STXBP5L: variants seen among roughly 807,000 people sequenced by gnomAD.
The protein encoded by STXBP5L is syntaxin binding protein 5L, also known as syntaxin-binding protein 5-like.
A neutral mutation model predicts 144.5 loss-of-function variants in STXBP5L; 65 were observed. The observed-to-expected ratio is 0.45, with a 90% CI of 0.37 to 0.55. STXBP5L has a LOEUF of 0.55. STXBP5L is among the 20% of genes least tolerant of loss of function. The probability of loss-of-function intolerance (pLI) is 0.00; values close to 1 mark genes in which losing one functional copy is unlikely to be tolerated. For missense variants in STXBP5L, 1,298 were observed against 1,405.5 expected (o/e 0.92, Z 1.22); for synonymous variants, 505 against 469.6 (o/e 1.08, Z -0.97).
chr3:120,962,969 T>C (rs1939051885), intron 3 of STXBP5L, among the ~76,000 whole-genome samples: 1 of 152,218 alleles, frequency 6.6e-6, no homozygotes, highest in Non-Finnish European at 1.5e-5. Flanking sequence ...GGTTTGTAGT[T>C]CTTCTTCAAG....
intron 9 of STXBP5L, among the ~76,000 whole-genome samples, chr3:121,175,365 G>GA (rs1431657855): frequency 6.6e-6 from 1 of 151,880 alleles, no homozygotes; most frequent in Non-Finnish European, 1.5e-5. Flanking sequence ...TAAAGGCCTA[G>GA]AAAAAAATAT....
rs145965766 is a variant in STXBP5L, at chr3:121,363,817, G to A, written c.2177-14899G>A. Among the ~76,000 whole-genome samples the A allele has an allele frequency of 3.4e-4, 51 of 152,162 alleles. 1 individual carries two copies. In the East Asian group the frequency reaches 9.1e-3, roughly 27 times the overall value. On this transcript the variant is annotated intron_variant, in intron 20 of 26. Coordinates refer to ENST00000471454, the MANE Select transcript of STXBP5L (RefSeq NM_001308330.2). ...TGCTGGGGTCAAGGGGAGATGATTG[G>A]TGGAGTTTTCTATTCTGCCATCTTG... is the stretch of plus-strand genomic sequence containing the variant.
At chr3:120,951,958 T>C (rs1187764382) in intron 2 of STXBP5L, among the ~76,000 whole-genome samples, 1 of 151,668 alleles carries the variant, frequency 6.6e-6, no homozygotes, top group East Asian at 1.9e-4. Flanking sequence ...ATATACACCA[T>C]GGAATACTAT....
chr3:121,269,637 C>G (rs929157070), intron 18 of STXBP5L, among the ~76,000 whole-genome samples: 4 of 152,154 alleles, frequency 2.6e-5, no homozygotes, highest in African/African-American at 9.7e-5. Context: ...TAAAAACTCA[C>G]ATCTTATGTA....
intron 6 of STXBP5L, among the ~76,000 whole-genome samples, chr3:121,115,482 C>T (rs1202523408): frequency 6.6e-6 from 1 of 152,068 alleles, no homozygotes; most frequent in African/African-American, 2.4e-5. Context: ...GCTCAAATAT[C>T]TTTTAGGTTA....
intron 20 of STXBP5L, among the ~76,000 whole-genome samples, chr3:121,331,255 C>A (rs1333716279): frequency 6.6e-6 from 1 of 152,150 alleles, no homozygotes; most frequent in Non-Finnish European, 1.5e-5. Context: ...CAGCTCTCCC[C>A]CAACAGTCAG....
At chr3:121,404,182 A>G (rs2046945917) in intron 22 of STXBP5L, among the ~76,000 whole-genome samples, 6 of 152,232 alleles carry the variant, frequency 3.9e-5, no homozygotes, top group Admixed American at 3.3e-4. Context: ...TCTATTAATG[A>G]CAATTCCATT....
At chr3:121,175,523 A>G (rs1382620690) in intron 9 of STXBP5L, among the ~76,000 whole-genome samples, 4 of 152,150 alleles carry the variant, frequency 2.6e-5, no homozygotes, top group Non-Finnish European at 5.9e-5. Flanking sequence ...TTTAAATTTT[A>G]AGTTTTAAAA....
intron 3 of STXBP5L, among the ~76,000 whole-genome samples, chr3:121,033,112 C>T (rs2107515703): frequency 9.7e-6 from 1 of 103,120 alleles, no homozygotes. Context: ...GCTATAAAGA[C>T]ACATGCACAC....
intron 9 of STXBP5L, among the ~76,000 whole-genome samples, chr3:121,188,778 T>C (rs2047507492): frequency 6.6e-6 from 1 of 152,200 alleles, no homozygotes; most frequent in Non-Finnish European, 1.5e-5. Flanking sequence ...CTGAAAACTC[T>C]CAATAAACTA....
intron 2 of STXBP5L, among the ~76,000 whole-genome samples, chr3:120,927,273 G>A (rs1490959412): frequency 1.3e-5 from 2 of 152,158 alleles, no homozygotes; most frequent in Non-Finnish European, 2.9e-5. Flanking sequence ...TTTCTGTGTT[G>A]TGTGGGAAGG....
intron 15 of STXBP5L, among the ~76,000 whole-genome samples, chr3:121,253,658 C>T (rs2050105281): frequency 7.0e-6 from 1 of 143,650 alleles, no homozygotes; most frequent in Admixed American, 6.9e-5. Context: ...GACGGAGTCT[C>T]GCTCTGTCTG....
chr3:121,057,597 G>C (rs1279447127), intron 5 of STXBP5L, among the ~76,000 whole-genome samples: 6 of 151,772 alleles, frequency 4.0e-5, no homozygotes, highest in African/African-American at 1.5e-4. Flanking sequence ...TTTGCTTTTG[G>C]ATTCCTTTGC....
chr3:121,368,155 T>C (rs1388851101), intron 20 of STXBP5L, among the ~76,000 whole-genome samples: 1 of 152,146 alleles, frequency 6.6e-6, no homozygotes, highest in Non-Finnish European at 1.5e-5. Flanking sequence ...ACTTAGCCTC[T>C]GTTCACCATT....
At chr3:121,315,411 C>G (rs2043747811) in intron 19 of STXBP5L, among the ~76,000 whole-genome samples, 1 of 146,684 alleles carries the variant, frequency 6.8e-6, no homozygotes, top group Admixed American at 7.2e-5. Flanking sequence ...TACATATTCT[C>G]ACTCATAGGT....
At chr3:121,133,034 A>G (rs1000817029) in intron 7 of STXBP5L, among the ~76,000 whole-genome samples, 5 of 152,200 alleles carry the variant, frequency 3.3e-5, no homozygotes, top group Admixed American at 6.5e-5. Flanking sequence ...TAGAAGATCC[A>G]TAATGAGAAG....
chr3:121,012,155 G>A (rs1361500833), intron 3 of STXBP5L, among the ~76,000 whole-genome samples: 1 of 151,314 alleles, frequency 6.6e-6, no homozygotes, highest in Non-Finnish European at 1.5e-5. Flanking sequence ...TTTTTTATTG[G>A]CAAATAAAAT....
intron 5 of STXBP5L, among the ~76,000 whole-genome samples, chr3:121,048,514 C>T (rs1947685465): frequency 6.6e-6 from 1 of 152,024 alleles, no homozygotes; most frequent in Non-Finnish European, 1.5e-5. Flanking sequence ...TTTACATAAT[C>T]CTTTATTTTT....
At chr3:121,374,800 G>C (rs576033260) in intron 20 of STXBP5L, among the ~76,000 whole-genome samples, 15 of 152,164 alleles carry the variant, frequency 9.9e-5, no homozygotes, top group Middle Eastern at 3.4e-3. Flanking sequence ...GGAAAAGAGG[G>C]AGGGAGAAAG....
Sources: gnomAD v4.1 joint callset for allele counts (sites outside exome capture counted in the v4.1 genomes callset) on GRCh38, gnomAD v4.1.1 for gene constraint, MANE v1.5 for transcripts, NCBI Gene and HGNC (gene_info 2026-07-23, HGNC 2026-07-21) for gene names.